NDRG3: variants seen among roughly 807,000 people sequenced by gnomAD.
The protein encoded by NDRG3 is NDRG family member 3.
In NDRG3, 23 loss-of-function variants were observed where a neutral mutation model predicts 57.2. The observed-to-expected ratio is 0.40, with a 90% confidence interval of 0.29 to 0.57. The LOEUF is 0.57. NDRG3 is among the 20% of genes least tolerant of loss of function. NDRG3 has a pLI of 0.42. For missense variants in NDRG3, 384 were observed against 457.3 expected (o/e 0.84, Z 1.46); for synonymous variants, 132 against 162.6 (o/e 0.81, Z 1.43).
rs147778910 is a variant in NDRG3 at position 36,722,757 on chromosome 20, A to T, written c.-48-974T>A. 1.9e-4 allele frequency among the ~76,000 whole-genome samples: 29 copies of T among 152,224 alleles called. No individual in the cohort carries two copies. The East Asian group carries it at 5.2e-3, about 27-fold the overall frequency. ...CCTTCAACGAGCCCAGTGATCCCTGACTCCTGATATTCATTCACACATATG... is the reference window on the plus strand; with the variant it reads ...CCTTCAACGAGCCCAGTGATCCCTGTCTCCTGATATTCATTCACACATATG... On this transcript the variant is annotated intron_variant, in intron 1 of 15. Transcript: ENST00000349004.
At chr20:36,710,843 G>A (rs1187744622) in intron 2 of NDRG3, among the ~76,000 whole-genome samples, 9 of 148,966 alleles carry the variant, frequency 6.0e-5, no homozygotes, top group Non-Finnish European at 1.2e-4. Flanking sequence ...AGTCAGGCAT[G>A]GTGGAGCGTG....
intron 1 of NDRG3, among the ~76,000 whole-genome samples, chr20:36,744,836 G>A (rs147329426): frequency 1.3e-5 from 2 of 152,246 alleles, no homozygotes; most frequent in East Asian, 1.9e-4. Context: ...AGAAAGCCCC[G>A]GAATGAGGTG....
chr20:36,693,131 TATATATATATAC>T (rs1187422260), intron 3 of NDRG3, among the ~76,000 whole-genome samples: 857 of 69,308 alleles, frequency 0.012, 35 homozygotes, highest in African/African-American at 0.017. Context: ...TATATATATA[TATATATATATAC>T]ACACACACAC....
At chr20:36,677,040 C>G (rs1980793468) in intron 8 of NDRG3, among the ~76,000 whole-genome samples, 1 of 152,224 alleles carries the variant, frequency 6.6e-6, no homozygotes, top group African/African-American at 2.4e-5. Flanking sequence ...TTTGCCTTCC[C>G]AGGTACAGCT....
rs377677705 is a variant in NDRG3, at chr20:36,676,851, G to A, written c.531+3965C>T. Among the ~76,000 whole-genome samples the A allele has an allele frequency of 1.5e-4, 23 of 152,368 alleles. No homozygotes were observed. The East Asian group carries it at 2.5e-3, about 17-fold the overall frequency. On this transcript the variant is annotated intron_variant, in intron 8 of 15. Coordinates refer to ENST00000349004, the MANE Select transcript of NDRG3 (RefSeq NM_032013.4). ...ACGCTGTGTGGCTGGGGCTGCACAC[G>A]CCATGGAGCTGGCGGAAGCCCCGCC...
At chr20:36,687,815 C>A (rs1412237699) in intron 4 of NDRG3, among the ~76,000 whole-genome samples, 1 of 152,154 alleles carries the variant, frequency 6.6e-6, no homozygotes. Flanking sequence ...ATATTGAAAA[C>A]AATTCTTAAT....
chr20:36,690,127 T>C (rs1982144528), intron 3 of NDRG3, among the ~76,000 whole-genome samples: 1 of 152,222 alleles, frequency 6.6e-6, no homozygotes, highest in South Asian at 2.1e-4. Flanking sequence ...TTTCTGGTGC[T>C]AGCTGTGTAT....
At chr20:36,660,073 T>C (rs1979028618) in intron 13 of NDRG3, among the ~76,000 whole-genome samples, 1 of 151,690 alleles carries the variant, frequency 6.6e-6, no homozygotes, top group Admixed American at 6.6e-5. Flanking sequence ...CCGGGCATGG[T>C]GGCACGTGCC....
At chr20:36,682,374 A>C (rs1981377461) in intron 7 of NDRG3, 144 bp downstream of exon 7, 1 of 614,348 alleles carries the variant, frequency 1.6e-6, no homozygotes. Context: ...GCTAGGCTTT[A>C]TACAACCTGT....
chr20:36,717,310 AC>A (rs1984332146), intron 2 of NDRG3, among the ~76,000 whole-genome samples: 1 of 152,244 alleles, frequency 6.6e-6, no homozygotes, highest in Non-Finnish European at 1.5e-5. Flanking sequence ...TCATCTCAGG[AC>A]AAATTTCACG....
Position 36,653,782 on chromosome 20 carries a change from T to C in NDRG3, c.947-81A>G. The C allele has an allele frequency of 7.5e-7, 1 of 1,337,388 alleles. No homozygotes were observed. Among genetic ancestry groups the C allele is most frequent in the Non-Finnish European group, 1.0e-6 (1 of 971,904 alleles). The allele number at this position is 1,337,388 out of a possible 1,614,324, so 82.8% of individuals were successfully genotyped here. ...CCTAGGAGTCTCATCAAAGTCTTTA[T>C]GTTTAGCTTTTCCGACTCATTTACC... On this transcript the variant is annotated intron_variant, in intron 15 of 15. Coordinates refer to ENST00000349004, the MANE Select transcript of NDRG3 (RefSeq NM_032013.4). The surrounding 1 kb of genome is among the most constrained non-coding windows in gnomAD (Gnocchi z 4.2).
chr20:36,676,342 GA>G (rs1275295613), intron 8 of NDRG3, among the ~76,000 whole-genome samples: 1 of 152,170 alleles, frequency 6.6e-6, no homozygotes, highest in Non-Finnish European at 1.5e-5. Flanking sequence ...GGAAATCAGT[GA>G]TTTATTATAA....
At chr20:36,694,461 T>C (rs1982602303) in intron 3 of NDRG3, among the ~76,000 whole-genome samples, 1 of 152,210 alleles carries the variant, frequency 6.6e-6, no homozygotes, top group Non-Finnish European at 1.5e-5. Flanking sequence ...CACTGCTTCT[T>C]CTACATATTC....
At chr20:36,726,467 G>A (rs113547881) in intron 1 of NDRG3, among the ~76,000 whole-genome samples, 3 of 152,032 alleles carry the variant, frequency 2.0e-5, no homozygotes, top group African/African-American at 4.8e-5. Flanking sequence ...TTTTTGCTCC[G>A]CTTTCAATGT....
chr20:36,680,599 G>C (rs1343952966), intron 8 of NDRG3, among the ~76,000 whole-genome samples: 1 of 152,144 alleles, frequency 6.6e-6, no homozygotes, highest in Admixed American at 6.5e-5. Context: ...TTCTGGGAAG[G>C]AGAGGAAGTA....
intron 3 of NDRG3, among the ~76,000 whole-genome samples, chr20:36,691,172 A>AT (rs1982237095): frequency 6.6e-6 from 1 of 152,238 alleles, no homozygotes. Context: ...AATGAACCTC[A>AT]TAAGAGCTTT....
At chr20:36,667,932 A>G (rs1475945927) in intron 9 of NDRG3, among the ~76,000 whole-genome samples, 2 of 152,178 alleles carry the variant, frequency 1.3e-5, no homozygotes. Flanking sequence ...AGGTATTATA[A>G]TAAGAAAAGT....
rs922740343 is a variant in NDRG3, at chr20:36,653,473, G to A, written c.*47C>T. On this transcript the variant is annotated 3_prime_UTR_variant, in exon 16 of 16. Coordinates refer to ENST00000349004, the MANE Select transcript of NDRG3 (RefSeq NM_032013.4). This position sits in a 1 kb window ranked among gnomAD's most constrained non-coding sequence, Gnocchi z 4.2. ...GGATGAAATGTTATATTATGGAGTGGTCATTTGAAGGATGGACTTGCAATG... is the reference window on the plus strand; with the variant it reads ...GGATGAAATGTTATATTATGGAGTGATCATTTGAAGGATGGACTTGCAATG... The A allele has an allele frequency of 4.5e-6, 7 of 1,552,756 alleles. No homozygotes were observed. The Admixed American group carries it at 7.0e-5, about 15-fold the overall frequency.
intron 3 of NDRG3, among the ~76,000 whole-genome samples, chr20:36,691,523 G>C (rs1982263113): frequency 6.6e-6 from 1 of 152,178 alleles, no homozygotes; most frequent in African/African-American, 2.4e-5. Flanking sequence ...AGACTAGCCT[G>C]TCTAGCACAG....
Sources: gnomAD v4.1 joint callset for allele counts (sites outside exome capture counted in the v4.1 genomes callset) on GRCh38, gnomAD v4.1.1 for gene constraint, Gnocchi (gnomAD v3.1) non-coding constraint, MANE v1.5 for transcripts, NCBI Gene and HGNC (gene_info 2026-07-23, HGNC 2026-07-21) for gene names.